The following SHTN1 variants were observed in gnomAD, a reference collection of about 807,000 sequenced individuals.
SHTN1 encodes shootin 1.
Under a neutral mutation model 83.1 loss-of-function variants are expected in SHTN1, and 42 were observed. The ratio of observed to expected loss-of-function variants is 0.51; its 90% CI spans 0.39 to 0.65. SHTN1 has a LOEUF of 0.65. Among genes scored for constraint, SHTN1 ranks in the 30% least tolerant of loss-of-function variants. The pLI is 0.00. For synonymous variants in SHTN1, 224 were observed against 247.7 expected (o/e 0.90, Z 0.90); for missense variants, 622 against 737.8 (o/e 0.84, Z 1.82).
At chr10:116,998,053 C>T (rs1208508967) in intron 1 of SHTN1, among the ~76,000 whole-genome samples, 1 of 151,858 alleles carries the variant, frequency 6.6e-6, no homozygotes, top group Non-Finnish European at 1.5e-5. Flanking sequence ...GCTCATGCCT[C>T]GGCACTTCAG....
At chr10:116,927,436 G>A (rs191838350) in intron 11 of SHTN1, among the ~76,000 whole-genome samples, 102 of 152,218 alleles carry the variant, frequency 6.7e-4, no homozygotes, top group African/African-American at 2.2e-3. Context: ...CAATCATGGC[G>A]GAAGGCAAGG....
chr10:117,013,109 TAA>T (rs1852133283), intron 2 of SHTN1, among the ~76,000 whole-genome samples: 2 of 152,200 alleles, frequency 1.3e-5, no homozygotes, highest in South Asian at 2.1e-4. Context: ...AATATTAAAA[TAA>T]GTCAAAAGTA....
intron 1 of SHTN1, among the ~76,000 whole-genome samples, chr10:117,090,719 G>A (rs1853417088): frequency 6.9e-6 from 1 of 145,274 alleles, no homozygotes; most frequent in South Asian, 2.2e-4. Context: ...CCCGTCCTCT[G>A]TTCTCCAAGC....
At chr10:116,962,519 ACT>A (rs1330253087) in intron 3 of SHTN1, among the ~76,000 whole-genome samples, 1 of 151,808 alleles carries the variant, frequency 6.6e-6, no homozygotes, top group Non-Finnish European at 1.5e-5. Flanking sequence ...AAACATAAAC[ACT>A]CTGCATTTTT....
intron 1 of SHTN1, among the ~76,000 whole-genome samples, chr10:117,058,281 T>C (rs1564944679): frequency 6.6e-6 from 1 of 152,044 alleles, no homozygotes; most frequent in Non-Finnish European, 1.5e-5. Flanking sequence ...ACATAACTGG[T>C]AAGTCATTAA....
chr10:117,050,233 A>G (rs1026129892), intron 1 of SHTN1, among the ~76,000 whole-genome samples: 1 of 152,172 alleles, frequency 6.6e-6, no homozygotes, highest in African/African-American at 2.4e-5. Context: ...ACAATCAATA[A>G]AACTGATAAA....
chr10:116,896,186 T>C (rs1384076532), intron 16 of SHTN1, among the ~76,000 whole-genome samples: 2 of 152,202 alleles, frequency 1.3e-5, no homozygotes, highest in Admixed American at 6.5e-5. Flanking sequence ...TTTCCTTTAT[T>C]ATACCTATAT....
intron 1 of SHTN1, among the ~76,000 whole-genome samples, chr10:117,103,657 C>T (rs778042891): frequency 2.0e-5 from 3 of 150,352 alleles, no homozygotes; most frequent in Non-Finnish European, 4.4e-5. Context: ...CCTGCCTCAG[C>T]CTCCCGAGAG....
chr10:117,050,846 G>A (rs901497422), intron 1 of SHTN1, among the ~76,000 whole-genome samples: 3 of 152,102 alleles, frequency 2.0e-5, no homozygotes, highest in African/African-American at 7.2e-5. Flanking sequence ...TTGAACCCAG[G>A]AGTTTGAGGC....
At chr10:116,959,248 C>T (rs1850093348) in intron 4 of SHTN1, among the ~76,000 whole-genome samples, 1 of 152,108 alleles carries the variant, frequency 6.6e-6, no homozygotes, top group South Asian at 2.1e-4. Context: ...AAGTTACATA[C>T]CCAAATTTAT....
intron 14 of SHTN1, among the ~76,000 whole-genome samples, chr10:116,908,767 G>C (rs1372255298): frequency 6.6e-6 from 1 of 151,896 alleles, no homozygotes; most frequent in Non-Finnish European, 1.5e-5. Context: ...TTTTTTATTT[G>C]GATAATGGCA....
At chr10:117,117,294 C>T (rs898828132) in intron 1 of SHTN1, among the ~76,000 whole-genome samples, 3 of 152,054 alleles carry the variant, frequency 2.0e-5, no homozygotes, top group Non-Finnish European at 2.9e-5. Flanking sequence ...ATCAAGAAAG[C>T]AATCCCACTT....
chr10:117,026,060 T>C (rs2133568092), intron 2 of SHTN1, among the ~76,000 whole-genome samples: 1 of 152,262 alleles, frequency 6.6e-6, no homozygotes, highest in Non-Finnish European at 1.5e-5. Flanking sequence ...GGACTGTGTC[T>C]TGCACCTTAG....
chr10:117,073,367 T>C (rs1306835201), intron 1 of SHTN1, among the ~76,000 whole-genome samples: 1 of 152,206 alleles, frequency 6.6e-6, no homozygotes, highest in Non-Finnish European at 1.5e-5. Context: ...GTGCATTATT[T>C]CATTTAATTC....
At chr10:116,907,692 G>T (rs891617047) in intron 14 of SHTN1, among the ~76,000 whole-genome samples, 3 of 152,152 alleles carry the variant, frequency 2.0e-5, no homozygotes, top group Non-Finnish European at 4.4e-5. Flanking sequence ...CTTCTCAACT[G>T]TGCCACATAC....
chr10:117,117,771 G>A (rs1311722117), intron 1 of SHTN1, among the ~76,000 whole-genome samples: 1 of 152,158 alleles, frequency 6.6e-6, no homozygotes, highest in African/African-American at 2.4e-5. Flanking sequence ...TGACAAAGGT[G>A]CCAAGAACAT....
intron 2 of SHTN1, among the ~76,000 whole-genome samples, chr10:117,017,493 A>AG (rs1312971831): frequency 6.6e-6 from 1 of 151,212 alleles, no homozygotes; most frequent in Non-Finnish European, 1.5e-5. Flanking sequence ...TCCGTCTCAA[A>AG]AAAAAAAAAA....
intron 1 of SHTN1, among the ~76,000 whole-genome samples, chr10:117,096,541 A>C (rs901486587): frequency 6.6e-6 from 1 of 152,262 alleles, no homozygotes; most frequent in Admixed American, 6.5e-5. Context: ...TGATGGAATC[A>C]CATACAATAT....
rs1248583052 is a variant in SHTN1 at position 116,884,387 on chromosome 10, T to A, written c.*1957A>T. The A allele has an allele frequency of 2.5e-6, 1 of 404,172 alleles. No individual in the cohort carries two copies. The highest frequency in any genetic ancestry group is 2.1e-5 in the African/African-American group (1 of 48,508). 25.0% of individuals were successfully genotyped at this position (404,172 alleles called of 1,614,324 possible). On this transcript the variant is annotated 3_prime_UTR_variant, in exon 17 of 17. Transcript: ENST00000355371. ...TGTCAAATTAATTTAAAATGCTTTG[T>A]AATCACAGTGAGAGAAAGTAAGCAG...
Sources: allele counts gnomAD v4.1 joint callset (sites outside exome capture counted in the v4.1 genomes callset), GRCh38; gene constraint gnomAD v4.1.1; transcripts MANE v1.5; gene names NCBI Gene and HGNC (gene_info 2026-07-23, HGNC 2026-07-21).